CFHR5: variants seen among roughly 807,000 people sequenced by gnomAD.
CFHR5 encodes complement factor H-related protein 5.
CFHR5 carries 73 observed loss-of-function variants against 62.9 expected under a neutral mutation model. The ratio of observed to expected loss-of-function variants is 1.16; its 90% CI spans 0.96 to 1.41. CFHR5 has a LOEUF of 1.41. CFHR5 is among the 40% of genes most tolerant of loss of function. CFHR5 has a pLI of 0.00. For synonymous variants in CFHR5, 249 were observed against 227.2 expected (o/e 1.10, Z -0.86); for missense variants, 779 against 679.9 (o/e 1.15, Z -1.62).
intron 4 of CFHR5, among the ~76,000 whole-genome samples, chr1:196,995,277 G>A (rs1653959407): frequency 6.6e-6 from 1 of 151,942 alleles, no homozygotes; most frequent in Admixed American, 6.6e-5. Context: ...ATATAGAGAG[G>A]ATATAAGATT....
Position 197,004,806 on chromosome 1 carries a change from C to T in CFHR5, c.1476C>T (p.Cys492=). ...YKLQGSVTVT[C]RNKQWSEPPR... ...TCCAGGGCTCTGTAACTGTAACATG[C>T]AGAAATAAACAGTGGTCAGAACCAC... is the stretch of plus-strand genomic sequence containing the variant. Residue 492 remains cysteine (C), a synonymous_variant, in exon 9 of 10, where the codon TGC becomes TGT. Coordinates refer to ENST00000256785, the MANE Select transcript of CFHR5 (RefSeq NM_030787.4). 6.2e-7 allele frequency: 1 copy of T among 1,613,576 alleles called. No individual in the cohort carries two copies. Among genetic ancestry groups the T allele is most frequent in the South Asian group, 1.1e-5 (1 of 91,076 alleles).
chr1:196,989,397 C>T (rs954770595), intron 3 of CFHR5, among the ~76,000 whole-genome samples: 6 of 152,060 alleles, frequency 3.9e-5, no homozygotes, highest in African/African-American at 1.4e-4. Flanking sequence ...TTAGTTATTT[C>T]TTGCCTTCTG....
chr1:196,983,687 A>G (rs1653602427), intron 2 of CFHR5, among the ~76,000 whole-genome samples: 1 of 152,192 alleles, frequency 6.6e-6, no homozygotes, highest in Admixed American at 6.5e-5. Context: ...AAATATTTAT[A>G]TGAAGATATT....
Position 196,992,719 on chromosome 1 carries a change from A to C in CFHR5, c.431-1361A>C, listed in dbSNP as rs139227087. 7.5e-4 allele frequency among the ~76,000 whole-genome samples: 115 copies of C among 152,338 alleles called. 1 individual carries two copies. The East Asian group carries it at 0.02, about 27-fold the overall frequency. The stretch of plus-strand genomic sequence containing the variant: ...GTTTTTAACAATTAGTTAAAAAAAG[A>C]CTATAAACAACCAATAAAGAACTGT... On this transcript the variant is annotated intron_variant, in intron 3 of 9. Transcript: ENST00000256785.
intron 7 of CFHR5, among the ~76,000 whole-genome samples, chr1:197,001,700 C>T (rs1654158910): frequency 1.6e-5 from 2 of 125,716 alleles, no homozygotes; most frequent in African/African-American, 2.9e-5. Flanking sequence ...TATCCCTCCC[C>T]CCTCCCCCCA....
chr1:197,006,167 T>C (rs1265454951), intron 9 of CFHR5, among the ~76,000 whole-genome samples: 1 of 151,936 alleles, frequency 6.6e-6, no homozygotes, highest in African/African-American at 2.4e-5. Flanking sequence ...AAAAGAAAAG[T>C]AAGAACAAAA....
At chr1:197,007,946 G>T (rs982234880) in intron 9 of CFHR5, among the ~76,000 whole-genome samples, 2 of 146,536 alleles carry the variant, frequency 1.4e-5, no homozygotes, top group African/African-American at 5.0e-5. Flanking sequence ...ATAAATGTAT[G>T]TTATATATAC....
intron 6 of CFHR5, among the ~76,000 whole-genome samples, chr1:196,997,118 C>T (rs1021741842): frequency 6.6e-6 from 1 of 152,210 alleles, no homozygotes; most frequent in South Asian, 2.1e-4. Flanking sequence ...TGAAACAGAA[C>T]CGCCTCTCTC....
intron 3 of CFHR5, among the ~76,000 whole-genome samples, chr1:196,990,228 T>C (rs1056291845): frequency 5.9e-5 from 9 of 152,106 alleles, no homozygotes; most frequent in Non-Finnish European, 8.8e-5. Context: ...GCTTGGTAGA[T>C]ATTCCTCCAT....
intron 7 of CFHR5, among the ~76,000 whole-genome samples, chr1:196,998,787 T>C (rs1278968382): frequency 1.3e-5 from 2 of 151,912 alleles, no homozygotes; most frequent in Admixed American, 6.6e-5. Flanking sequence ...ATCATTTACT[T>C]TGAGTAATAG....
chr1:196,996,916 C>G (rs1449595326), intron 6 of CFHR5, among the ~76,000 whole-genome samples: 2 of 151,936 alleles, frequency 1.3e-5, no homozygotes, highest in Non-Finnish European at 2.9e-5. Flanking sequence ...AGCCTGTGTG[C>G]TCTACTCTTA....
intron 4 of CFHR5, 115 bp from the exon 5 acceptor site, chr1:196,995,602 A>C: frequency 1.2e-6 from 1 of 856,198 alleles, no homozygotes; most frequent in Admixed American, 2.0e-5. Context: ...ACATGTCCCC[A>C]AAAATAGAAG....
Position 196,997,402 on chromosome 1 carries a change from G to GA in CFHR5, c.971-722dup, listed in dbSNP as rs200905565. Among the ~76,000 whole-genome samples the GA allele has an allele frequency of 4.6e-3, 697 of 152,190 alleles. 11 individuals carry two copies. Among genetic ancestry groups the GA allele is most frequent in the African/African-American group, 0.015 (612 of 41,514 alleles). ...TGAATTAAAAATAGAAACTATTGCAGAAAACACCTGTAAGCATAGAAGTAG... is the reference window on the plus strand; with the variant it reads ...TGAATTAAAAATAGAAACTATTGCAGAAAAACACCTGTAAGCATAGAAGTAG... On this transcript the variant is annotated intron_variant, in intron 6 of 9. Coordinates refer to ENST00000256785, the MANE Select transcript of CFHR5 (RefSeq NM_030787.4).
intron 7 of CFHR5, among the ~76,000 whole-genome samples, chr1:197,000,238 T>A (rs1196555736): frequency 2.0e-5 from 3 of 152,132 alleles, no homozygotes; most frequent in African/African-American, 7.2e-5. Flanking sequence ...GGAAATTAGG[T>A]AAGAACGTTA....
At chr1:197,007,910 G>T (rs28617548) in intron 9 of CFHR5, among the ~76,000 whole-genome samples, 3 of 145,366 alleles carry the variant, frequency 2.1e-5, no homozygotes, top group African/African-American at 7.5e-5. Flanking sequence ...TACAATTAAC[G>T]TACATATATT....
At position 196,990,757 on chromosome 1, in the gene CFHR5, C is replaced by T. The variant is rs1028654028; in HGVS notation, c.431-3323C>T. ...AGAGATCCACTATTAGTCTGATGGGCTTCCCTTTGTGGGTAACCCAACCTT... is the reference window on the plus strand; with the variant it reads ...AGAGATCCACTATTAGTCTGATGGGTTTCCCTTTGTGGGTAACCCAACCTT... On this transcript the variant is annotated intron_variant, in intron 3 of 9. Transcript: ENST00000256785. Among the ~76,000 whole-genome samples the T allele has an allele frequency of 3.6e-4, 55 of 152,292 alleles. 1 individual carries two copies. Among genetic ancestry groups the T allele is most frequent in the African/African-American group, 1.3e-3 (52 of 41,562 alleles).
intron 3 of CFHR5, among the ~76,000 whole-genome samples, chr1:196,993,672 A>G (rs913509159): frequency 1.3e-5 from 2 of 152,082 alleles, no homozygotes; most frequent in Non-Finnish European, 2.9e-5. Context: ...TTATTTTGTT[A>G]CTTGAAGGAA....
chr1:196,999,089 TTTGAAAGAAATC>T (rs1173129260), intron 7 of CFHR5, among the ~76,000 whole-genome samples: 1 of 151,870 alleles, frequency 6.6e-6, no homozygotes, highest in Non-Finnish European at 1.5e-5. Context: ...AAGGTCATAG[TTTGAAAGAAATC>T]ATATAAAATA....
chr1:196,987,558 T>A (rs1653726338), intron 3 of CFHR5, among the ~76,000 whole-genome samples: 1 of 152,218 alleles, frequency 6.6e-6, no homozygotes, highest in African/African-American at 2.4e-5. Context: ...AAGTAAGGGA[T>A]CCAGTTTCAG....
Sources: gnomAD v4.1 joint callset for allele counts (sites outside exome capture counted in the v4.1 genomes callset) on GRCh38, gnomAD v4.1.1 for gene constraint, MANE v1.5 for transcripts, NCBI Gene and HGNC (gene_info 2026-07-23, HGNC 2026-07-21) for gene names.